The following SLC39A11 variants were observed in gnomAD, a reference collection of about 807,000 sequenced individuals.
SLC39A11 encodes solute carrier family 39 member 11, also known as zinc transporter ZIP11.
Under a neutral mutation model 36.1 loss-of-function variants are expected in SLC39A11, and 33 were observed. The observed-to-expected ratio is 0.91, with a 90% CI of 0.69 to 1.22. The LOEUF is 1.22. Among genes scored for constraint, SLC39A11 ranks in the 50% most tolerant of loss-of-function variants. The pLI, the probability that SLC39A11 is intolerant of heterozygous loss-of-function variation, is 0.00. For synonymous variants in SLC39A11, 166 were observed against 170.3 expected (o/e 0.97, Z 0.20); for missense variants, 432 against 430.3 (o/e 1.00, Z -0.03).
intron 7 of SLC39A11, among the ~76,000 whole-genome samples, chr17:72,709,508 T>C (rs2073030128): frequency 1.3e-5 from 2 of 152,228 alleles, no homozygotes; most frequent in African/African-American, 4.8e-5. Flanking sequence ...GGTTTCTCCT[T>C]GAACAGAGAT....
intron 3 of SLC39A11, among the ~76,000 whole-genome samples, chr17:73,075,591 G>A (rs1447288280): frequency 3.3e-5 from 5 of 152,162 alleles, no homozygotes; most frequent in Non-Finnish European, 1.5e-5. Context: ...AGTGGCTCAC[G>A]CCTATAATCT....
At chr17:72,742,167 C>T (rs963602009) in intron 6 of SLC39A11, among the ~76,000 whole-genome samples, 3 of 151,100 alleles carry the variant, frequency 2.0e-5, no homozygotes, top group Admixed American at 6.6e-5. Context: ...CGCGCCACTG[C>T]ACTCCAGCCT....
rs1242282257 is a variant in SLC39A11 at position 72,672,901 on chromosome 17, G to C, written c.672-23633C>G. On this transcript the variant is annotated intron_variant, in intron 7 of 9. Coordinates refer to ENST00000255559, the MANE Select transcript of SLC39A11 (RefSeq NM_139177.4). ...TGGGATTACAGGTGTGAGCCACCAC[G>C]CCTAACCCTGCTTCAATAAAGTTTT... Among the ~76,000 whole-genome samples, 13 of 151,460 alleles carry C rather than the reference G, an allele frequency of 8.6e-5. No homozygotes were observed. The East Asian group carries it at 2.4e-3, about 27-fold the overall frequency.
intron 3 of SLC39A11, among the ~76,000 whole-genome samples, chr17:73,046,699 C>A (rs754377842): frequency 6.6e-6 from 1 of 152,018 alleles, no homozygotes; most frequent in South Asian, 2.1e-4. Flanking sequence ...CCCAGCACTT[C>A]GGGAGGTCGA....
chr17:73,069,386 AAT>A (rs1241030401), intron 3 of SLC39A11, among the ~76,000 whole-genome samples: 2 of 152,160 alleles, frequency 1.3e-5, no homozygotes, highest in South Asian at 2.1e-4. Context: ...GCTCTCCCAC[AAT>A]GCCTTACACA....
At chr17:72,700,369 A>C (rs2072552124) in intron 7 of SLC39A11, among the ~76,000 whole-genome samples, 2 of 152,234 alleles carry the variant, frequency 1.3e-5, no homozygotes, top group South Asian at 2.1e-4. Context: ...CTTCTGAATC[A>C]CATACAGTTT....
At chr17:73,047,387 C>T (rs1317449316) in intron 3 of SLC39A11, among the ~76,000 whole-genome samples, 2 of 152,180 alleles carry the variant, frequency 1.3e-5, no homozygotes, top group Non-Finnish European at 2.9e-5. Context: ...CATTCACCAG[C>T]TGGGGGATGT....
At chr17:73,011,359 A>G (rs2090505195) in intron 4 of SLC39A11, among the ~76,000 whole-genome samples, 1 of 152,138 alleles carries the variant, frequency 6.6e-6, no homozygotes, top group South Asian at 2.1e-4. Flanking sequence ...GCCAGATCAG[A>G]AGGACTCTGG....
At chr17:72,731,056 G>A (rs1279543023) in intron 7 of SLC39A11, among the ~76,000 whole-genome samples, 1 of 152,276 alleles carries the variant, frequency 6.6e-6, no homozygotes, top group Admixed American at 6.5e-5. Context: ...GGCCAGCCAT[G>A]CCCATTTCTT....
At chr17:72,729,259 G>A (rs911958639) in intron 7 of SLC39A11, among the ~76,000 whole-genome samples, 6 of 147,810 alleles carry the variant, frequency 4.1e-5, no homozygotes, top group Non-Finnish European at 9.0e-5. Context: ...TTTTTTTTGA[G>A]GCACAGTCTC....
intron 6 of SLC39A11, among the ~76,000 whole-genome samples, chr17:72,740,414 A>G (rs1239211347): frequency 3.3e-5 from 5 of 152,112 alleles, no homozygotes; most frequent in African/African-American, 1.2e-4. Flanking sequence ...ATACATTTAC[A>G]GTGCCGTACT....
At chr17:72,990,162 T>A (rs1222899399) in intron 4 of SLC39A11, among the ~76,000 whole-genome samples, 1 of 152,194 alleles carries the variant, frequency 6.6e-6, no homozygotes, top group Non-Finnish European at 1.5e-5. Context: ...TCCTGCTTGG[T>A]CTTACAGTTA....
At chr17:72,684,513 G>T (rs1006350510) in intron 7 of SLC39A11, among the ~76,000 whole-genome samples, 1 of 152,172 alleles carries the variant, frequency 6.6e-6, no homozygotes, top group Non-Finnish European at 1.5e-5. Flanking sequence ...CAAGGATAAC[G>T]CATCGTGCTT....
At chr17:73,004,200 AAAG>A (rs1470634155) in intron 4 of SLC39A11, among the ~76,000 whole-genome samples, 2 of 124,058 alleles carry the variant, frequency 1.6e-5, no homozygotes, top group East Asian at 2.9e-4. Flanking sequence ...AGAAAGAAAG[AAAG>A]AAAGAAAGAA....
intron 6 of SLC39A11, among the ~76,000 whole-genome samples, chr17:72,738,098 G>A (rs538838354): frequency 2.3e-4 from 35 of 152,228 alleles, no homozygotes; most frequent in East Asian, 2.1e-3. Flanking sequence ...TCCGCCTCCC[G>A]GGTTCACGCC....
intron 4 of SLC39A11, among the ~76,000 whole-genome samples, chr17:73,024,006 G>A (rs2058446693): frequency 6.6e-6 from 1 of 152,228 alleles, no homozygotes; most frequent in Non-Finnish European, 1.5e-5. Flanking sequence ...AGCCTCCAGA[G>A]CTGTGAGAAA....
chr17:72,975,230 G>C (rs1183911033), intron 4 of SLC39A11, among the ~76,000 whole-genome samples: 1 of 152,152 alleles, frequency 6.6e-6, no homozygotes, highest in African/African-American at 2.4e-5. Context: ...CCTAAGGTCA[G>C]GAGTTTGAGA....
At chr17:72,717,344 C>A (rs766718195) in intron 7 of SLC39A11, among the ~76,000 whole-genome samples, 1 of 152,042 alleles carries the variant, frequency 6.6e-6, no homozygotes, top group East Asian at 1.9e-4. Flanking sequence ...TGATGAAGTA[C>A]CACAGGGATT....
chr17:72,848,307 T>A (rs1349983090), intron 6 of SLC39A11, among the ~76,000 whole-genome samples: 1 of 152,270 alleles, frequency 6.6e-6, no homozygotes, highest in Non-Finnish European at 1.5e-5. Context: ...TATTTATTTT[T>A]AAAAATATCT....
Sources: allele counts gnomAD v4.1 joint callset (sites outside exome capture counted in the v4.1 genomes callset), GRCh38; gene constraint gnomAD v4.1.1; transcripts MANE v1.5; gene names NCBI Gene and HGNC (gene_info 2026-07-23, HGNC 2026-07-21).